BMAL2: variants seen among roughly 807,000 people sequenced by gnomAD.
BMAL2 encodes the protein basic helix-loop-helix ARNT-like protein 2.
the BMAL2 span, among the ~76,000 whole-genome samples, chr12:27,409,029 A>C: frequency 6.6e-6 from 1 of 152,208 alleles, no homozygotes; most frequent in Non-Finnish European, 1.5e-5. Flanking sequence ...TAGGAATCCA[A>C]CTTACAAGGG....
At chr12:27,351,490 C>T in the BMAL2 span, among the ~76,000 whole-genome samples, 7,045 of 152,154 alleles carry the variant, frequency 0.046, 546 homozygotes, top group African/African-American at 0.16. Flanking sequence ...CCCTTGAATG[C>T]GCTTTTCAAA....
the BMAL2 span, chr12:27,389,363 CACAGTGTTTTTAAA>C: frequency 9.1e-7 from 1 of 1,103,266 alleles, no homozygotes; most frequent in Non-Finnish European, 1.3e-6. Context: ...AGTTTAGCTA[CACAGTGTTTTTAAA>C]ACAGCTAACT....
chr12:27,339,132 C>A, the BMAL2 span, among the ~76,000 whole-genome samples: 3 of 152,166 alleles, frequency 2.0e-5, no homozygotes, highest in African/African-American at 7.2e-5. Context: ...TTCCAATAGG[C>A]CTCAGTGTGT....
At chr12:27,351,319 G>A in the BMAL2 span, among the ~76,000 whole-genome samples, 1 of 152,088 alleles carries the variant, frequency 6.6e-6, no homozygotes, top group Non-Finnish European at 1.5e-5. Context: ...AGTAATATGT[G>A]TTAGTTGTAG....
At chr12:27,416,408 G>A in the BMAL2 span, among the ~76,000 whole-genome samples, 3 of 151,650 alleles carry the variant, frequency 2.0e-5, no homozygotes, top group South Asian at 6.2e-4. Flanking sequence ...GAAAAAAAAA[G>A]CTTAAATAAT....
chr12:27,381,476 C>T, the BMAL2 span, among the ~76,000 whole-genome samples: 6 of 152,188 alleles, frequency 3.9e-5, no homozygotes, highest in East Asian at 1.2e-3. Context: ...ATGGCAGGAG[C>T]AGGACCAAGA....
At chr12:27,376,286 A>C in the BMAL2 span, 496,569 of 1,435,296 alleles carry the variant, frequency 0.35, 90,025 homozygotes, top group East Asian at 0.45. Context: ...CTATTTCTCT[A>C]TCAAGAACTA....
At chr12:27,360,803 C>A in the BMAL2 span, among the ~76,000 whole-genome samples, 75 of 46,758 alleles carry the variant, frequency 1.6e-3, no homozygotes, top group South Asian at 2.5e-3. Flanking sequence ...GTGATTTGTC[C>A]AAAAAAAAAA....
chr12:27,370,683 G>T, the BMAL2 span, among the ~76,000 whole-genome samples: 5,523 of 152,128 alleles, frequency 0.036, 479 homozygotes, highest in East Asian at 0.3. Context: ...TCGGCTCACT[G>T]CAACCTCCGC....
At chr12:27,424,687 G>C in the BMAL2 span, 1 of 152,162 alleles carries the variant, frequency 6.6e-6, no homozygotes. Context: ...CCTCAGGTGG[G>C]TCATCACTGA....
chr12:27,369,841 G>A, the BMAL2 span, among the ~76,000 whole-genome samples: 2 of 152,184 alleles, frequency 1.3e-5, no homozygotes, highest in Non-Finnish European at 2.9e-5. Flanking sequence ...GCGAAGTACT[G>A]ACAGTATGGC....
the BMAL2 span, among the ~76,000 whole-genome samples, chr12:27,414,385 G>A: frequency 6.6e-6 from 1 of 152,276 alleles, no homozygotes; most frequent in African/African-American, 2.4e-5. Flanking sequence ...CACTCTCCAG[G>A]ATAGGTGATA....
chr12:27,415,909 G>A, the BMAL2 span: 1 of 1,608,204 alleles, frequency 6.2e-7, no homozygotes. Context: ...GAGTCCAACA[G>A]GTTTAATGAA....
chr12:27,380,074 G>C, the BMAL2 span, among the ~76,000 whole-genome samples: 1 of 152,158 alleles, frequency 6.6e-6, no homozygotes, highest in Non-Finnish European at 1.5e-5. Flanking sequence ...TATGAATGCT[G>C]TTCCTGGTCT....
chr12:27,351,773 G>A, the BMAL2 span, among the ~76,000 whole-genome samples: 1 of 151,734 alleles, frequency 6.6e-6, no homozygotes, highest in African/African-American at 2.4e-5. Flanking sequence ...CCCCTGTGGC[G>A]CCTTCAGTGG....
the BMAL2 span, among the ~76,000 whole-genome samples, chr12:27,369,345 T>A: frequency 6.6e-6 from 1 of 152,118 alleles, no homozygotes; most frequent in Admixed American, 6.5e-5. Flanking sequence ...GGGCACATGC[T>A]AGCTCTTTTT....
chr12:27,420,019 G>GCGCGCACACACACACACACACACA, the BMAL2 span, among the ~76,000 whole-genome samples: 1 of 147,478 alleles, frequency 6.8e-6, no homozygotes, highest in African/African-American at 2.5e-5. Context: ...GTTTGCGCGT[G>GCGCGCACACACACACACACACACA]CACACACACA....
At chr12:27,420,298 C>A in the BMAL2 span, 2 of 1,509,162 alleles carry the variant, frequency 1.3e-6, no homozygotes, top group Admixed American at 3.7e-5. Flanking sequence ...CCTTGCTTTG[C>A]CATTTTTTAT....
At chr12:27,371,678 C>T in the BMAL2 span, among the ~76,000 whole-genome samples, 1 of 151,732 alleles carries the variant, frequency 6.6e-6, no homozygotes, top group South Asian at 2.1e-4. Context: ...AATTCATTGC[C>T]TCTGCACTTT....
Sources: allele counts gnomAD v4.1 joint callset (sites outside exome capture counted in the v4.1 genomes callset), GRCh38; gene constraint gnomAD v4.1.1; transcripts MANE v1.5; gene names NCBI Gene and HGNC (gene_info 2026-07-23, HGNC 2026-07-21).